Variants in FMR1NB observed in about 807,000 individuals in gnomAD.
FMR1NB encodes the protein FMR1 neighbor protein.
In FMR1NB, 10 loss-of-function variants were observed where a neutral mutation model predicts 16.8. The observed-to-expected ratio is 0.60, with a 90% CI of 0.37 to 1.01. FMR1NB has a LOEUF of 1.01. Among genes scored for constraint, FMR1NB ranks in the 50% least tolerant of loss-of-function variants. The probability of loss-of-function intolerance (pLI) is 0.01; values close to 1 mark genes in which losing one functional copy is unlikely to be tolerated. For synonymous variants in FMR1NB, 83 were observed against 79.1 expected (o/e 1.05, Z -0.26); for missense variants, 205 against 204.8 (o/e 1.00, Z 0.00).
In FMR1NB at chrX:147,993,201, G is replaced by T. The variant is rs1307900825; in HGVS notation, c.278-10000G>T. Among the ~76,000 whole-genome samples the T allele has an allele frequency of 8.8e-5, 10 of 113,262 alleles. No individual in the cohort carries two copies. The East Asian group carries it at 2.6e-3, about 29-fold the overall frequency. On this transcript the variant is annotated intron_variant, in intron 1 of 5. Transcript: ENST00000370467. ...AGGCCGAGGTTGGCGGATCACTCGCGGCCAGGGGCTGGAGACCGGCCCGGC... is the reference window on the plus strand; with the variant it reads ...AGGCCGAGGTTGGCGGATCACTCGCTGCCAGGGGCTGGAGACCGGCCCGGC...
chrX:147,999,063 A>G (rs1268848685), intron 1 of FMR1NB, among the ~76,000 whole-genome samples: 1 of 111,875 alleles, frequency 8.9e-6, no homozygotes, highest in African/African-American at 3.2e-5. Context: ...GGGTTCTCTG[A>G]AAGATAAAAA....
chrX:147,986,075 A>G (rs1280832448), intron 1 of FMR1NB, among the ~76,000 whole-genome samples: 1 of 112,439 alleles, frequency 8.9e-6, no homozygotes, highest in Non-Finnish European at 1.9e-5. Flanking sequence ...ACCAGTGATG[A>G]TGAGCTTCTT....
chrX:147,987,319 T>G (rs1403673613), intron 1 of FMR1NB, among the ~76,000 whole-genome samples: 2 of 111,922 alleles, frequency 1.8e-5, no homozygotes, highest in African/African-American at 6.5e-5. Context: ...CTTTATTTCT[T>G]TCTCTGGCAT....
rs1557186502 is a variant in FMR1NB at position 147,981,548 on chromosome X, T to C, written c.146T>C (p.Met49Thr). 2.5e-6 allele frequency: 3 copies of C among 1,212,076 alleles called. No individual in the cohort carries two copies. Among genetic ancestry groups the C allele is most frequent in the Non-Finnish European group, 3.3e-6 (3 of 895,563 alleles). Reference protein sequence around the residue: ...ESSHPGYEAAMADRPQPGWRE... With the variant: ...ESSHPGYEAATADRPQPGWRE... ...AGCCATCCTGGATACGAGGCCGCCA[T>C]GGCTGACAGGCCTCAGCCAGGATGG... is the stretch of plus-strand genomic sequence containing the variant. Residue 49 changes from methionine (M) to threonine (T), a missense_variant, in exon 1 of 6, where the codon ATG (methionine) becomes ACG (threonine). By Grantham distance (81) the Met-to-Thr change is moderately conservative (BLOSUM62 -1). Transcript: ENST00000370467.
chrX:148,024,787 T>G, intron 4 of FMR1NB, 78 bp from the exon 5 acceptor site: 1 of 1,110,028 alleles, frequency 9.0e-7, no homozygotes, highest in East Asian at 3.0e-5. Context: ...GGGCAAATAT[T>G]TTTTTCCTTA....
chrX:147,994,556 G>T (rs1476356441), intron 1 of FMR1NB, among the ~76,000 whole-genome samples: 1 of 112,027 alleles, frequency 8.9e-6, no homozygotes, highest in Non-Finnish European at 1.9e-5. Flanking sequence ...AATACTAAAA[G>T]TCTTCTTATC....
intron 4 of FMR1NB, among the ~76,000 whole-genome samples, chrX:148,024,291 C>T (rs1204928382): frequency 2.7e-5 from 3 of 111,565 alleles, no homozygotes; most frequent in Non-Finnish European, 3.8e-5. Flanking sequence ...CTTCTAGGGT[C>T]GTTATGAGGA....
At chrX:148,004,412 C>A (rs782264423) in intron 2 of FMR1NB, among the ~76,000 whole-genome samples, 19 of 112,229 alleles carry the variant, frequency 1.7e-4, no homozygotes, top group Non-Finnish European at 7.5e-5. Context: ...CCAAATATTT[C>A]TCCAACCTGG....
chrX:147,993,115 A>G (rs2124614769), intron 1 of FMR1NB, among the ~76,000 whole-genome samples: 1 of 110,552 alleles, frequency 9.0e-6, no homozygotes, highest in Non-Finnish European at 1.9e-5. Flanking sequence ...ACTGCACTCC[A>G]GCCTGGGCAC....
chrX:148,020,610 C>T (rs1450376497), intron 4 of FMR1NB, among the ~76,000 whole-genome samples: 1 of 111,315 alleles, frequency 9.0e-6, no homozygotes, highest in Non-Finnish European at 1.9e-5. Context: ...GTCAGCAGGT[C>T]CTGCTAGGAC....
chrX:148,019,857 A>G (rs1224308447), intron 4 of FMR1NB, among the ~76,000 whole-genome samples: 1 of 111,616 alleles, frequency 9.0e-6, no homozygotes, highest in Non-Finnish European at 1.9e-5. Flanking sequence ...GGCAGACCTT[A>G]AGCCAGCACA....
chrX:147,992,017 T>A (rs1418541909), intron 1 of FMR1NB, among the ~76,000 whole-genome samples: 2 of 112,228 alleles, frequency 1.8e-5, no homozygotes, highest in African/African-American at 6.5e-5. Flanking sequence ...GAGGAATTTC[T>A]CCCAGTGCAG....
chrX:148,019,067 C>G (rs1557190395), intron 4 of FMR1NB, among the ~76,000 whole-genome samples: 1 of 111,853 alleles, frequency 8.9e-6, no homozygotes, highest in Non-Finnish European at 1.9e-5. Flanking sequence ...AGGCATGTTT[C>G]ATTGTTTTCT....
At chrX:147,982,358 C>T (rs888991160) in intron 1 of FMR1NB, among the ~76,000 whole-genome samples, 2 of 107,984 alleles carry the variant, frequency 1.9e-5, no homozygotes, top group African/African-American at 3.4e-5. Flanking sequence ...GAGGCCGAGG[C>T]GGGCGGATTG....
At chrX:147,995,892 T>C in intron 1 of FMR1NB, among the ~76,000 whole-genome samples, 1 of 112,125 alleles carries the variant, frequency 8.9e-6, no homozygotes, top group East Asian at 2.8e-4. Flanking sequence ...TCAAGAGATC[T>C]AGGTTGCCCT....
intron 1 of FMR1NB, among the ~76,000 whole-genome samples, chrX:148,001,006 T>C (rs1475498246): frequency 1.8e-5 from 2 of 111,970 alleles, no homozygotes; most frequent in African/African-American, 6.5e-5. Flanking sequence ...TAACGAGAGT[T>C]AACTAAGGGA....
At position 148,012,356 on chromosome X, in the gene FMR1NB, A is replaced by G. The variant is rs949379787; in HGVS notation, c.632+3645A>G. Reference sequence around the variant, plus strand: ...TCTGTGGATTATATAGTGATATGATACTTGAGTGTGTCTGTAGCTTTGGTA... The same window carrying G: ...TCTGTGGATTATATAGTGATATGATGCTTGAGTGTGTCTGTAGCTTTGGTA... On this transcript the variant is annotated intron_variant, in intron 4 of 5. Transcript: ENST00000370467. 2.7e-5 allele frequency among the ~76,000 whole-genome samples: 3 copies of G among 112,101 alleles called. No homozygotes were observed. The South Asian group carries it at 1.1e-3, about 42-fold the overall frequency.
chrX:148,024,732 A>T, intron 4 of FMR1NB, 133 bp from the exon 5 acceptor site: 1 of 756,560 alleles, frequency 1.3e-6, no homozygotes. Flanking sequence ...CGGATTTATT[A>T]AATCTGGTGA....
chrX:148,003,455 G>T, intron 2 of FMR1NB, 135 bp downstream of exon 2: 1 of 662,487 alleles, frequency 1.5e-6, no homozygotes, highest in Non-Finnish European at 2.2e-6. Context: ...TCTGCTCTTT[G>T]GCTTAGGCAA....
Sources: gnomAD v4.1 joint callset for allele counts (sites outside exome capture counted in the v4.1 genomes callset) on GRCh38, gnomAD v4.1.1 for gene constraint, MANE v1.5 for transcripts, NCBI Gene and HGNC (gene_info 2026-07-23, HGNC 2026-07-21) for gene names.